Variants in CCDC18 observed in about 807,000 individuals in gnomAD.
CCDC18 encodes coiled-coil domain containing 18, also known as coiled-coil domain-containing protein 18.
A neutral mutation model predicts 196.0 loss-of-function variants in CCDC18; 157 were observed. The ratio of observed to expected loss-of-function variants is 0.80; its 90% CI spans 0.70 to 0.91. The LOEUF is 0.91. Ranked by LOEUF, CCDC18 falls within the 40% of genes least tolerant of loss-of-function variation. The probability of loss-of-function intolerance (pLI) is 0.00; values close to 1 mark genes in which losing one functional copy is unlikely to be tolerated. For synonymous variants in CCDC18, 482 were observed against 529.2 expected, an observed-to-expected ratio of 0.91 and a Z score of 1.22; for missense variants, 1,465 against 1,611.6, an observed-to-expected ratio of 0.91 and a Z score of 1.56.
intron 27 of CCDC18, among the ~76,000 whole-genome samples, chr1:93,268,743 T>A (rs1417150728): frequency 2.0e-5 from 3 of 151,904 alleles, no homozygotes; most frequent in African/African-American, 7.3e-5. Flanking sequence ...CTCACACCAG[T>A]TAGAATGGTG....
intron 17 of CCDC18, among the ~76,000 whole-genome samples, chr1:93,229,889 A>G (rs1181633990): frequency 6.6e-6 from 1 of 152,184 alleles, no homozygotes; most frequent in Non-Finnish European, 1.5e-5. Context: ...CTAAGCCTAA[A>G]TGTTTTCTGC....
intron 11 of CCDC18, among the ~76,000 whole-genome samples, chr1:93,214,328 T>G (rs1202113927): frequency 6.6e-6 from 1 of 152,204 alleles, no homozygotes; most frequent in Admixed American, 6.5e-5. Context: ...TGAACCTGCT[T>G]CTGTGTGCAG....
upstream of CCDC18, chr1:93,180,149 G>A (rs1399492283): frequency 1.9e-6 from 3 of 1,613,704 alleles, no homozygotes; most frequent in Non-Finnish European, 2.5e-6. Flanking sequence ...TCGCTATCGA[G>A]GGAAGGTGTG....
chr1:93,180,851 G>C lies in CCDC18; in HGVS notation c.-4G>C, dbSNP rs947143361. ...CTCGAGTGCGAAGCGCGCAGTCGCC[G>C]GGTGGGTCTCTCCCCAGCGACGATT... On this transcript the variant is annotated splice_region_variant and 5_prime_UTR_variant, in exon 1 of 29. Coordinates refer to ENST00000690025, the MANE Select transcript of CCDC18 (RefSeq NM_001378204.1). 7.3e-7 allele frequency: 1 copy of C among 1,366,110 alleles called. No individual in the cohort carries two copies. Among genetic ancestry groups the C allele is most frequent in the Non-Finnish European group, 9.8e-7 (1 of 1,021,992 alleles). 84.6% of individuals were successfully genotyped at this position (1,366,110 alleles called of 1,614,324 possible).
chr1:93,230,003 A>G (rs1229679029), intron 17 of CCDC18, among the ~76,000 whole-genome samples: 2 of 151,858 alleles, frequency 1.3e-5, no homozygotes, highest in Admixed American at 6.6e-5. Context: ...TCTGCATTAT[A>G]TTTTATTTTT....
intron 5 of CCDC18, 82 bp from the exon 6 acceptor site, chr1:93,193,534 A>G (rs1017316450): frequency 1.3e-5 from 12 of 902,024 alleles, no homozygotes; most frequent in African/African-American, 1.8e-5. Flanking sequence ...TTAAACAAAT[A>G]TAATTCCTAA....
chr1:93,257,443 T>C (rs780080137), intron 25 of CCDC18, among the ~76,000 whole-genome samples: 6 of 152,002 alleles, frequency 3.9e-5, no homozygotes, highest in African/African-American at 1.4e-4. Flanking sequence ...AATATTTACA[T>C]TGGTATACTT....
chr1:93,204,716 A>G (rs541547319), intron 7 of CCDC18, among the ~76,000 whole-genome samples: 2 of 152,116 alleles, frequency 1.3e-5, no homozygotes, highest in African/African-American at 4.8e-5. Flanking sequence ...GCAGTGTAAA[A>G]TATTAAGGTC....
At chr1:93,190,964 G>A (rs539660937) in intron 4 of CCDC18, 7 of 962,546 alleles carry the variant, frequency 7.3e-6, no homozygotes, top group African/African-American at 4.6e-5. Flanking sequence ...TGGGCATACA[G>A]AGAATCCTTG....
In CCDC18 at chr1:93,212,279, T is replaced by C; in HGVS notation, c.1495+18T>C. ...TCAAGTAGGTAAGTATATTGAGTTA[T>C]TTTAATAAATTATATTCAGAGTTTT... On this transcript the variant is annotated intron_variant, in intron 11 of 28. Coordinates refer to ENST00000690025, the MANE Select transcript of CCDC18 (RefSeq NM_001378204.1). The C allele has an allele frequency of 7.0e-7, 1 of 1,427,030 alleles. No homozygotes were observed. Among genetic ancestry groups the C allele is most frequent in the South Asian group, 1.5e-5 (1 of 66,958 alleles). 88.4% of individuals were successfully genotyped at this position (1,427,030 alleles called of 1,614,324 possible).
At chr1:93,250,634 G>C (rs529844003) in intron 23 of CCDC18, among the ~76,000 whole-genome samples, 1 of 151,946 alleles carries the variant, frequency 6.6e-6, no homozygotes, top group African/African-American at 2.4e-5. Context: ...TTATATACTC[G>C]GGAGCTTTAT....
chr1:93,267,098 A>T (rs1312235227), intron 27 of CCDC18, among the ~76,000 whole-genome samples: 1 of 152,112 alleles, frequency 6.6e-6, no homozygotes, highest in African/African-American at 2.4e-5. Context: ...TATCCACCAC[A>T]ATTAAGTTGG....
chr1:93,239,423 A>C lies in CCDC18; in HGVS notation c.2717A>C (p.Asp906Ala). Residue 906 changes from aspartate to alanine, a missense_variant, in exon 20 of 29, where the codon GAT becomes GCT. Coordinates refer to ENST00000690025, the MANE Select transcript of CCDC18 (RefSeq NM_001378204.1). ...ENKAMHLSQL[D>A]MILDQTKTEL... ...AAAGCAATGCACCTCTCTCAATTAG[A>C]TATGATCTTAGATCAGACAAAGACA... The C allele has an allele frequency of 1.2e-6, 2 of 1,613,178 alleles. No homozygotes were observed. The highest frequency in any genetic ancestry group is 1.7e-6 in the Non-Finnish European group (2 of 1,179,564).
intron 6 of CCDC18, among the ~76,000 whole-genome samples, chr1:93,197,516 G>C (rs1425810146): frequency 6.6e-6 from 1 of 151,964 alleles, no homozygotes; most frequent in Admixed American, 6.6e-5. Context: ...ATATATGTGT[G>C]TGTGTGTGTA....
intron 11 of CCDC18, among the ~76,000 whole-genome samples, chr1:93,213,327 A>G (rs918182305): frequency 6.6e-5 from 10 of 151,688 alleles, no homozygotes; most frequent in South Asian, 6.2e-4. Flanking sequence ...TCTTGTTACC[A>G]TCACCACAGT....
chr1:93,195,589 T>A (rs1317026947), intron 6 of CCDC18, among the ~76,000 whole-genome samples: 2 of 152,138 alleles, frequency 1.3e-5, no homozygotes, highest in African/African-American at 2.4e-5. Context: ...GGTACTTAGG[T>A]CACAAGGGCT....
At chr1:93,191,292 A>G (rs1249035797) in intron 4 of CCDC18, among the ~76,000 whole-genome samples, 1 of 152,114 alleles carries the variant, frequency 6.6e-6, no homozygotes, top group Non-Finnish European at 1.5e-5. Context: ...GTTTCTTCTG[A>G]TAATAAACTT....
chr1:93,218,532 T>C (rs627779), intron 14 of CCDC18, among the ~76,000 whole-genome samples: 71,562 of 151,480 alleles, frequency 0.47, 20,078 homozygotes, highest in African/African-American at 0.79. Context: ...TTTTTTGAGA[T>C]AGAGTCTCGC....
chr1:93,256,495 T>C lies in CCDC18; in HGVS notation c.3503T>C (p.Leu1168Pro). ...CAAGCACAGAGAGAAATAGAAAGGC[T>C]CTCTAGTGAACTGGAGGATATGAAG... ...QVQAQREIER[L>P]SSELEDMKQL... The change falls in exon 25 of 29, where the codon CTC (leucine) becomes CCC (proline). Residue 1168 changes from leucine (L) to proline (P), a missense_variant. Coordinates refer to ENST00000690025, the MANE Select transcript of CCDC18 (RefSeq NM_001378204.1). The C allele has an allele frequency of 6.2e-7, 1 of 1,613,994 alleles. No individual in the cohort carries two copies. Among genetic ancestry groups the C allele is most frequent in the Non-Finnish European group, 8.5e-7 (1 of 1,179,958 alleles).
Sources: allele counts gnomAD v4.1 joint callset (sites outside exome capture counted in the v4.1 genomes callset), GRCh38; gene constraint gnomAD v4.1.1; transcripts MANE v1.5; gene names NCBI Gene and HGNC (gene_info 2026-07-23, HGNC 2026-07-21).